SEMA6D: variants seen among roughly 807,000 people sequenced by gnomAD.
SEMA6D encodes the protein semaphorin 6D, also known as semaphorin-6D.
In SEMA6D, 35 loss-of-function variants were observed where a neutral mutation model predicts 106.6. The observed-to-expected ratio is 0.33, with a 90% CI of 0.25 to 0.44. The LOEUF is 0.44. SEMA6D is among the 20% of genes least tolerant of loss of function. SEMA6D has a pLI of 1.00. For missense variants in SEMA6D, 1,185 were observed against 1,345.9 expected, an observed-to-expected ratio of 0.88 and a Z score of 1.87; for synonymous variants, 499 against 487.7, an observed-to-expected ratio of 1.02 and a Z score of -0.31.
At chr15:47,511,867 C>A (rs2044245386) in intron 3 of SEMA6D, among the ~76,000 whole-genome samples, 1 of 152,122 alleles carries the variant, frequency 6.6e-6, no homozygotes. Context: ...TGAGCCATTG[C>A]AGTCTGAAAT....
At chr15:47,631,465 A>G (rs1354636292) in intron 4 of SEMA6D, among the ~76,000 whole-genome samples, 1 of 151,928 alleles carries the variant, frequency 6.6e-6, no homozygotes, top group African/African-American at 2.4e-5. Context: ...CGAAAAAAAA[A>G]TGAAAGAAAA....
At chr15:47,715,702 T>C (rs1343184486), upstream of SEMA6D, among the ~76,000 whole-genome samples, 1 of 152,198 alleles carries the variant, frequency 6.6e-6, no homozygotes, top group East Asian at 1.9e-4. Flanking sequence ...CTAGGGCAAA[T>C]TGCACTCTTC....
At chr15:47,650,422 A>G (rs540118615) in intron 4 of SEMA6D, among the ~76,000 whole-genome samples, 1 of 152,332 alleles carries the variant, frequency 6.6e-6, no homozygotes, top group South Asian at 2.1e-4. Context: ...ATATTTAAAG[A>G]TATGCCACCT....
At chr15:47,751,970 C>T (rs1246573744) in intron 1 of SEMA6D, among the ~76,000 whole-genome samples, 2 of 152,118 alleles carry the variant, frequency 1.3e-5, no homozygotes, top group Non-Finnish European at 2.9e-5. Flanking sequence ...GGTGGCATGA[C>T]ATGACATATT....
intron 3 of SEMA6D, among the ~76,000 whole-genome samples, chr15:47,571,105 G>A (rs182656271): frequency 6.6e-6 from 1 of 152,080 alleles, no homozygotes; most frequent in African/African-American, 2.4e-5. Context: ...CTGCCTGCAA[G>A]CTGTGTCTCA....
intron 2 of SEMA6D, among the ~76,000 whole-genome samples, chr15:47,417,893 T>C (rs2041027312): frequency 6.6e-6 from 1 of 152,072 alleles, no homozygotes; most frequent in African/African-American, 2.4e-5. Context: ...TAGACAGTGT[T>C]TTGTGTATTG....
At chr15:47,251,035 T>C (rs76999103) in intron 1 of SEMA6D, among the ~76,000 whole-genome samples, 3,283 of 152,298 alleles carry the variant, frequency 0.022, 52 homozygotes, top group Middle Eastern at 0.051. Flanking sequence ...CAAAGCTACC[T>C]AAGATCTGTC....
chr15:47,479,827 A>C (rs2043102167), intron 3 of SEMA6D, among the ~76,000 whole-genome samples: 1 of 149,060 alleles, frequency 6.7e-6, no homozygotes, highest in Non-Finnish European at 1.5e-5. Context: ...TTAATTCCAT[A>C]CTGCACCATT....
At position 47,762,311 on chromosome 15, in the gene SEMA6D, GGATAAAAGGTACCTTTGAA is replaced by G; in HGVS notation, c.653_658+13del. On this transcript the variant is annotated splice_donor_variant and splice_donor_5th_base_variant and coding_sequence_variant and intron_variant, in exon 8 of 19. Transcript: ENST00000536845. LOFTEE classifies it high-confidence loss of function. ...CGCACAATAAAATATGATTCCAAAT[GGATAAAAGGTACCTTTGAA>G]GAGCAGTGTCGTGGGGTCACCAGGA... 6.2e-7 allele frequency: 1 copy of G among 1,613,358 alleles called. No individual in the cohort carries two copies. The highest frequency in any genetic ancestry group is 8.5e-7 in the Non-Finnish European group (1 of 1,179,500).
rs12591429 is a variant in SEMA6D at position 47,233,952 on chromosome 15, G to C, written c.-239+49534G>C. The stretch of plus-strand genomic sequence containing the variant: ...CATTAGCTAGGAACTCCAATACAAT[G>C]TTGAATACACATGGTGAGAGAGGAC... On this transcript the variant is annotated intron_variant, in intron 1 of 19. Transcript: ENST00000558014. Among the ~76,000 whole-genome samples, 5 of 151,760 alleles carry C rather than the reference G, an allele frequency of 3.3e-5. 1 individual carries two copies.
chr15:47,587,750 G>A (rs2076367608), intron 3 of SEMA6D, among the ~76,000 whole-genome samples: 1 of 151,616 alleles, frequency 6.6e-6, no homozygotes, highest in Non-Finnish European at 1.5e-5. Context: ...GCCAGAGATT[G>A]CTGATTGCTG....
chr15:47,759,551 C>A (rs979848157), intron 1 of SEMA6D, among the ~76,000 whole-genome samples, 194 bp from the exon 2 acceptor site: 7 of 152,164 alleles, frequency 4.6e-5, no homozygotes, highest in Non-Finnish European at 7.3e-5. Flanking sequence ...AATGCTCAAC[C>A]AGATGCTTTA....
intron 3 of SEMA6D, among the ~76,000 whole-genome samples, chr15:47,541,072 A>G (rs938306831): frequency 6.6e-6 from 1 of 152,158 alleles, no homozygotes; most frequent in Non-Finnish European, 1.5e-5. Context: ...TGATGGGCAC[A>G]ATACAGAGAG....
chr15:47,482,202 T>C (rs1342566620), intron 3 of SEMA6D, among the ~76,000 whole-genome samples: 1 of 152,166 alleles, frequency 6.6e-6, no homozygotes, highest in Non-Finnish European at 1.5e-5. Flanking sequence ...TTATAAATTA[T>C]GTGTGGGAGA....
At chr15:47,285,898 TACTA>T (rs1267351914) in intron 1 of SEMA6D, among the ~76,000 whole-genome samples, 3 of 152,226 alleles carry the variant, frequency 2.0e-5, no homozygotes, top group Non-Finnish European at 2.9e-5. Context: ...TTTACTAACT[TACTA>T]ACTTATTACT....
chr15:47,581,606 G>A (rs955215691), intron 3 of SEMA6D, among the ~76,000 whole-genome samples: 33 of 152,108 alleles, frequency 2.2e-4, no homozygotes, highest in African/African-American at 8.0e-4. Flanking sequence ...TGGGGGTAAG[G>A]GACGCAAAGG....
At chr15:47,502,179 A>G (rs1047641750) in intron 3 of SEMA6D, among the ~76,000 whole-genome samples, 1 of 152,224 alleles carries the variant, frequency 6.6e-6, no homozygotes, top group African/African-American at 2.4e-5. Flanking sequence ...CATAAAAAAA[A>G]TCACACTTAA....
intron 1 of SEMA6D, among the ~76,000 whole-genome samples, chr15:47,384,055 C>G (rs1284539956): frequency 3.9e-5 from 6 of 152,106 alleles, no homozygotes; most frequent in African/African-American, 1.4e-4. Context: ...CCTTTAAATA[C>G]TTTTTAAATG....
chr15:47,648,863 T>A (rs1035233138), intron 4 of SEMA6D, among the ~76,000 whole-genome samples: 1 of 152,244 alleles, frequency 6.6e-6, no homozygotes, highest in Non-Finnish European at 1.5e-5. Flanking sequence ...TAACTCTTGT[T>A]TATATCAATT....
Sources: gnomAD v4.1 joint callset for allele counts (sites outside exome capture counted in the v4.1 genomes callset) on GRCh38, gnomAD v4.1.1 for gene constraint, MANE v1.5 for transcripts, NCBI Gene and HGNC (gene_info 2026-07-23, HGNC 2026-07-21) for gene names.